Variants in RPE65 observed in about 807,000 individuals in gnomAD.
RPE65 encodes the protein retinoid isomerohydrolase RPE65, also known as retinoid isomerohydrolase.
A neutral mutation model predicts 68.5 loss-of-function variants in RPE65; 58 were observed. The observed-to-expected ratio is 0.85, with a 90% CI of 0.69 to 1.05. The LOEUF (loss-of-function observed/expected upper bound fraction) is 1.05. Among genes scored for constraint, RPE65 ranks in the 50% least tolerant of loss-of-function variants. The pLI, the probability that RPE65 is intolerant of heterozygous loss-of-function variation, is 0.00. For synonymous variants in RPE65, 220 were observed against 222.2 expected (o/e 0.99, Z 0.09); for missense variants, 643 against 629.9 (o/e 1.02, Z -0.22).
chr1:68,449,810 T>C (rs1030921507), intron 1 of RPE65, 85 bp downstream of exon 1: 2 of 1,473,294 alleles, frequency 1.4e-6, no homozygotes, highest in Admixed American at 1.7e-5. Flanking sequence ...CATTAATCAA[T>C]GCCTTCTCTT....
intron 1 of RPE65, 95 bp from the exon 2 acceptor site, chr1:68,448,801 T>C (rs1332433568): frequency 1.3e-6 from 1 of 759,764 alleles, no homozygotes; most frequent in Non-Finnish European, 2.0e-6. Context: ...ACTCTAGGGC[T>C]GGCTCAAAGC....
intron 10 of RPE65, among the ~76,000 whole-genome samples, chr1:68,434,413 G>T (rs1053067364): frequency 1.7e-4 from 26 of 151,938 alleles, no homozygotes; most frequent in Admixed American, 6.6e-4. Context: ...GAAGACAGGA[G>T]ATTTTTTCTG....
At chr1:68,431,967 C>T (rs532767682) in intron 10 of RPE65, among the ~76,000 whole-genome samples, 18 of 150,652 alleles carry the variant, frequency 1.2e-4, no homozygotes, top group African/African-American at 3.7e-4. Context: ...ACAAAGACTT[C>T]GACTGCCTGA....
chr1:68,434,510 T>C (rs1026605404), intron 10 of RPE65, among the ~76,000 whole-genome samples: 2 of 151,986 alleles, frequency 1.3e-5, no homozygotes, highest in Non-Finnish European at 2.9e-5. Context: ...AGGAGAAGAT[T>C]CTGCAAGATT....
At chr1:68,437,518 C>T (rs1224956532) in intron 10 of RPE65, among the ~76,000 whole-genome samples, 1 of 152,108 alleles carries the variant, frequency 6.6e-6, no homozygotes, top group African/African-American at 2.4e-5. Context: ...TTTTAATAAC[C>T]CCTTTTGTGC....
chr1:68,441,252 T>C (rs951005376), intron 5 of RPE65, among the ~76,000 whole-genome samples: 1 of 152,180 alleles, frequency 6.6e-6, no homozygotes, highest in Non-Finnish European at 1.5e-5. Context: ...TACAGTGCTC[T>C]GGTTAGTTAC....
rs1557595714 is a variant in RPE65, at chr1:68,431,046, C to A, written c.1450+19G>T. The A allele has an allele frequency of 6.3e-7, 1 of 1,591,520 alleles. No homozygotes were observed. Among genetic ancestry groups the A allele is most frequent in the Non-Finnish European group, 8.6e-7 (1 of 1,159,570 alleles). Reference sequence around the variant, plus strand: ...CTGCAGTAAGAAGAGTATTCAGACACAACAATTGCTTTCATTACCATCATC... The same window carrying A: ...CTGCAGTAAGAAGAGTATTCAGACAAAACAATTGCTTTCATTACCATCATC... On this transcript the variant is annotated intron_variant, in intron 13 of 13. Transcript: ENST00000262340.
At chr1:68,439,670 T>A in intron 6 of RPE65, 28 bp from the exon 7 acceptor site, 1 of 1,579,016 alleles carries the variant, frequency 6.3e-7, no homozygotes, top group Non-Finnish European at 8.7e-7. Flanking sequence ...TAAAAGGCTT[T>A]GGAAGAGCCT....
At chr1:68,430,378 G>A (rs745971821) in intron 13 of RPE65, among the ~76,000 whole-genome samples, 4 of 152,198 alleles carry the variant, frequency 2.6e-5, no homozygotes, top group African/African-American at 9.7e-5. Context: ...TTCTAAGATC[G>A]ATCTGGAAGC....
chr1:68,444,905 G>T, intron 3 of RPE65, 22 bp from the exon 4 acceptor site: 1 of 1,608,166 alleles, frequency 6.2e-7, no homozygotes, highest in Non-Finnish European at 8.5e-7. Flanking sequence ...TGAAACATAG[G>T]GAAGAGTATA....
chr1:68,447,759 A>C (rs1571173399), intron 2 of RPE65, among the ~76,000 whole-genome samples: 1 of 152,180 alleles, frequency 6.6e-6, no homozygotes, highest in African/African-American at 2.4e-5. Context: ...CTGAGGCAGG[A>C]GAATGGCATA....
At chr1:68,444,456 A>T in intron 5 of RPE65, 75 bp downstream of exon 5, 1 of 1,564,374 alleles carries the variant, frequency 6.4e-7, no homozygotes, top group Non-Finnish European at 8.8e-7. Flanking sequence ...CATTCGCAGC[A>T]TGAATAATTT....
chr1:68,433,660 G>A (rs551680669), intron 10 of RPE65, among the ~76,000 whole-genome samples: 3 of 152,234 alleles, frequency 2.0e-5, no homozygotes, highest in Non-Finnish European at 4.4e-5. Context: ...AAGTGAAGCC[G>A]GGAAATGTAG....
chr1:68,449,806 T>C (rs1645970127), intron 1 of RPE65, 89 bp downstream of exon 1: 1 of 1,467,480 alleles, frequency 6.8e-7, no homozygotes, highest in Admixed American at 1.7e-5. Flanking sequence ...AGGTCATTAA[T>C]CAATGCCTTC....
intron 10 of RPE65, among the ~76,000 whole-genome samples, chr1:68,433,231 T>G (rs536666046): frequency 2.6e-5 from 4 of 152,256 alleles, no homozygotes; most frequent in African/African-American, 9.6e-5. Context: ...AAATGGAAGA[T>G]AGGGGAACCA....
chr1:68,441,092 C>G lies in RPE65; in HGVS notation c.496-92G>C, dbSNP rs1468653938. On this transcript the variant is annotated intron_variant, in intron 5 of 13. Transcript: ENST00000262340. Reference sequence around the variant, plus strand: ...TCTGAGGTCATCACTACCCCTTGAACTCTCATCCTAAGTGCACTTCTCTTT... The same window carrying G: ...TCTGAGGTCATCACTACCCCTTGAAGTCTCATCCTAAGTGCACTTCTCTTT... 9 of 1,437,236 alleles carry G rather than the reference C, an allele frequency of 6.3e-6. No individual in the cohort carries two copies. In the South Asian group the frequency reaches 9.8e-5, roughly 16 times the overall value. 89.0% of individuals were successfully genotyped at this position (1,437,236 alleles called of 1,614,324 possible).
intron 2 of RPE65, among the ~76,000 whole-genome samples, chr1:68,447,894 C>T (rs2986124): frequency 6.6e-6 from 1 of 151,736 alleles, no homozygotes; most frequent in African/African-American, 2.4e-5. Flanking sequence ...ACAAAAAAAA[C>T]CCCAGGTAGG....
At chr1:68,432,971 T>C (rs1414562273) in intron 10 of RPE65, among the ~76,000 whole-genome samples, 1 of 152,104 alleles carries the variant, frequency 6.6e-6, no homozygotes, top group Admixed American at 6.6e-5. Flanking sequence ...AAGAGAGGCA[T>C]CAAGCATAAC....
At chr1:68,431,619 A>G (rs1235667510) in intron 10 of RPE65, 34 bp from the exon 11 acceptor site, 11 of 1,567,728 alleles carry the variant, frequency 7.0e-6, no homozygotes, top group South Asian at 3.3e-5. Context: ...CTCAGTGAGC[A>G]GGAAAGAATT....
Sources: allele counts gnomAD v4.1 joint callset (sites outside exome capture counted in the v4.1 genomes callset), GRCh38; gene constraint gnomAD v4.1.1; transcripts MANE v1.5; gene names NCBI Gene and HGNC (gene_info 2026-07-23, HGNC 2026-07-21).